AHI1: variants seen among roughly 807,000 people sequenced by gnomAD.
AHI1 encodes jouberin.
AHI1 carries 123 observed loss-of-function variants against 149.3 expected under a neutral mutation model. The observed-to-expected ratio is 0.82, with a 90% confidence interval of 0.71 to 0.96. AHI1 has a LOEUF of 0.96. Among genes scored for constraint, AHI1 ranks in the 40% least tolerant of loss-of-function variants. The pLI is 0.00. For missense variants in AHI1, 1,439 were observed against 1,422.7 expected (o/e 1.01, Z -0.18); for synonymous variants, 475 against 459.8 (o/e 1.03, Z -0.42).
At chr6:135,292,127 CACACACATACACAAACACACACACACAA>C (rs1487821362) in intron 27 of AHI1, among the ~76,000 whole-genome samples, 1 of 151,962 alleles carries the variant, frequency 6.6e-6, no homozygotes, top group Non-Finnish European at 1.5e-5. Context: ...CACACACACA[CACACACATACACAAACACACACACACAA>C]AGACCCCATG....
chr6:135,396,039 T>C (rs1779167153), intron 22 of AHI1, among the ~76,000 whole-genome samples: 3 of 151,910 alleles, frequency 2.0e-5, no homozygotes, highest in African/African-American at 4.8e-5. Flanking sequence ...ACAGTGATAA[T>C]AAACAGTATA....
chr6:135,365,906 T>C (rs1774102946), intron 23 of AHI1, among the ~76,000 whole-genome samples: 1 of 152,220 alleles, frequency 6.6e-6, no homozygotes, highest in South Asian at 2.1e-4. Flanking sequence ...GGGGGAGTTC[T>C]TTCAACTTTT....
chr6:135,474,568 T>G (rs1029403722), intron 5 of AHI1: 1 of 152,186 alleles, frequency 6.6e-6, no homozygotes, highest in South Asian at 2.1e-4. Flanking sequence ...TGTAACTGAC[T>G]GTGAAAAATC....
At chr6:135,437,204 T>C (rs564893618) in intron 15 of AHI1, among the ~76,000 whole-genome samples, 11 of 152,316 alleles carry the variant, frequency 7.2e-5, no homozygotes, top group African/African-American at 2.6e-4. Flanking sequence ...CTGTAGAGAA[T>C]GTTCATGGTA....
chr6:135,313,564 A>G (rs1163719056), intron 26 of AHI1, among the ~76,000 whole-genome samples: 4 of 152,232 alleles, frequency 2.6e-5, no homozygotes, highest in Non-Finnish European at 5.9e-5. Context: ...GTCTGCTGCA[A>G]TATGAATATG....
At chr6:135,491,457 CCTGT>C (rs756014544) in intron 4 of AHI1, among the ~76,000 whole-genome samples, 6 of 152,192 alleles carry the variant, frequency 3.9e-5, no homozygotes, top group Non-Finnish European at 8.8e-5. Context: ...CTGGTGTTAA[CCTGT>C]CTGTTTAAAT....
chr6:135,357,066 G>A (rs935332299), intron 24 of AHI1, among the ~76,000 whole-genome samples: 1 of 152,266 alleles, frequency 6.6e-6, no homozygotes, highest in East Asian at 1.9e-4. Flanking sequence ...AGCCTCCCGA[G>A]TAGCTGGGAC....
chr6:135,493,829 G>T (rs1360381712), intron 3 of AHI1, among the ~76,000 whole-genome samples: 1 of 152,164 alleles, frequency 6.6e-6, no homozygotes, highest in Non-Finnish European at 1.5e-5. Context: ...GATCACTTGA[G>T]GTCAGGAGTT....
intron 20 of AHI1, among the ~76,000 whole-genome samples, chr6:135,413,801 G>A (rs1385920995): frequency 6.6e-6 from 1 of 151,916 alleles, no homozygotes; most frequent in Non-Finnish European, 1.5e-5. Flanking sequence ...AAAAAAAGGA[G>A]AAAGATGTGA....
chr6:135,488,983 C>T (rs1038122521), intron 5 of AHI1, among the ~76,000 whole-genome samples: 10 of 152,100 alleles, frequency 6.6e-5, no homozygotes, highest in Admixed American at 3.9e-4. Context: ...CCTGTAATTT[C>T]GTCGTTTGTA....
In AHI1 at chr6:135,353,362, G is replaced by A. The variant is rs184974451; in HGVS notation, c.3165+4770C>T. Among the ~76,000 whole-genome samples the A allele has an allele frequency of 1.3e-4, 20 of 152,082 alleles. No individual in the cohort carries two copies. In the South Asian group the frequency reaches 2.1e-3, roughly 16 times the overall value. The stretch of plus-strand genomic sequence containing the variant: ...ATTGGCCATGGGTTCTATTTTATGA[G>A]TTTTATAGGGGCCCATTCACCCCAG... On this transcript the variant is annotated intron_variant, in intron 24 of 28. Transcript: ENST00000265602.
In AHI1 at chr6:135,463,264, C is replaced by A; in HGVS notation, c.792G>T (p.Lys264Asn). Residue 264 changes from lysine to asparagine, a missense_variant, in exon 8 of 29, where the codon AAG becomes AAT. Transcript: ENST00000265602. The part of the protein sequence containing the change: ...ISGDTVEGEQ[K>N]KESSVRSVSS... ...AAACTGATCTAACTGAAGATTCTTT[C>A]TTTTGTTCACCTTCAACTGTGTCAC... The A allele has an allele frequency of 6.2e-7, 1 of 1,609,970 alleles. No individual in the cohort carries two copies.
At chr6:135,300,816 CAA>C (rs35584012) in intron 26 of AHI1, 11,351 of 895,260 alleles carry the variant, frequency 0.013, no homozygotes, top group East Asian at 0.022. Flanking sequence ...GGTATGTGAC[CAA>C]AAAAAAAAAA....
At position 135,388,100 on chromosome 6, in the gene AHI1, T is replaced by TA. The variant is rs1287567426; in HGVS notation, c.3109+6675dup. 35 of 1,545,128 alleles carry TA rather than the reference T, an allele frequency of 2.3e-5. No individual in the cohort carries two copies. The South Asian group carries it at 3.7e-4, about 16-fold the overall frequency. ...ACATTTTTGATTCTTTTTAGTACCA[T>TA]AAAAGACATTTAAGGGCATCTGCCT... is the stretch of plus-strand genomic sequence containing the variant. On this transcript the variant is annotated intron_variant, in intron 23 of 28. Coordinates refer to ENST00000265602, the MANE Select transcript of AHI1 (RefSeq NM_001134831.2).
rs1207241784 is a variant in AHI1, at chr6:135,358,168, TC to T, written c.3128del (p.Arg1043LysfsTer8). On this transcript the variant is annotated frameshift_variant, in exon 24 of 29. Coordinates refer to ENST00000265602, the MANE Select transcript of AHI1 (RefSeq NM_001134831.2). LOFTEE classifies it high-confidence loss of function. Reference sequence around the variant, plus strand: ...TATCTACCTGATGGTTACAAGGCTTTCTTTCTATGCTGATAATCCCTGTGGA... The same window carrying T: ...TATCTACCTGATGGTTACAAGGCTTTTTTCTATGCTGATAATCCCTGTGGA... The part of the protein sequence containing the change: ...FTQTGIISIE[R>X]KPCNHQVDTA... 1 of 1,612,986 alleles carries T rather than the reference TC, an allele frequency of 6.2e-7. No individual in the cohort carries two copies. Among genetic ancestry groups the T allele is most frequent in the African/African-American group, 1.3e-5 (1 of 74,850 alleles).
chr6:135,297,466 C>T (rs1315475422), intron 27 of AHI1: 1 of 456,178 alleles, frequency 2.2e-6, no homozygotes, highest in Non-Finnish European at 4.4e-6. Flanking sequence ...TATGCATATT[C>T]CTCCTGCCTT....
chr6:135,325,027 A>ATTTT (rs35569285), intron 24 of AHI1, among the ~76,000 whole-genome samples: 1 of 136,572 alleles, frequency 7.3e-6, no homozygotes, highest in East Asian at 2.1e-4. Context: ...ACAAATTACA[A>ATTTT]TTTTTTTTTT....
chr6:135,289,453 C>A (rs1186757646), intron 28 of AHI1, among the ~76,000 whole-genome samples: 1 of 151,994 alleles, frequency 6.6e-6, no homozygotes, highest in Non-Finnish European at 1.5e-5. Context: ...TGAGATTGCA[C>A]CACTGCATTC....
Position 135,364,785 on chromosome 6 carries a change from G to C in AHI1, c.3110-6598C>G, listed in dbSNP as rs567544837. Among the ~76,000 whole-genome samples the C allele has an allele frequency of 1.7e-3, 254 of 152,352 alleles. 1 individual carries two copies. Among genetic ancestry groups the C allele is most frequent in the African/African-American group, 5.9e-3 (244 of 41,588 alleles). ...CGCACGCCTGCAATCGCAGGCACTC[G>C]GCAAGCTGAGGCAGGAGAATCAGGC... On this transcript the variant is annotated intron_variant, in intron 23 of 28. Coordinates refer to ENST00000265602, the MANE Select transcript of AHI1 (RefSeq NM_001134831.2).
Sources: allele counts gnomAD v4.1 joint callset (sites outside exome capture counted in the v4.1 genomes callset), GRCh38; gene constraint gnomAD v4.1.1; transcripts MANE v1.5; gene names NCBI Gene and HGNC (gene_info 2026-07-23, HGNC 2026-07-21).